Variants in ADGRG1 observed in about 807,000 individuals in gnomAD.
ADGRG1 encodes the protein 7-transmembrane protein with no EGF-like N-terminal domains-1.
Under a neutral mutation model 73.5 loss-of-function variants are expected in ADGRG1, and 53 were observed. That is an observed-to-expected ratio of 0.72 (90% CI 0.58 to 0.91). The LOEUF (loss-of-function observed/expected upper bound fraction) is 0.91, where lower values mean the gene tolerates loss of function less well. Ranked by LOEUF, ADGRG1 falls within the 40% of genes least tolerant of loss-of-function variation. The pLI is 0.00. For synonymous variants in ADGRG1, 394 were observed against 374.4 expected (o/e 1.05, Z -0.60); for missense variants, 795 against 871.8 (o/e 0.91, Z 1.11).
intron 10 of ADGRG1, among the ~76,000 whole-genome samples, chr16:57,658,307 T>G (rs774999286): frequency 6.6e-6 from 1 of 152,150 alleles, no homozygotes; most frequent in Non-Finnish European, 1.5e-5. Flanking sequence ...AACAGCCCTA[T>G]GAAGGAACAC....
intron 4 of ADGRG1, 160 bp downstream of exon 4, chr16:57,653,495 C>T: frequency 1.0e-6 from 1 of 985,070 alleles, no homozygotes; most frequent in Non-Finnish European, 1.2e-6. Flanking sequence ...AACACATGCC[C>T]CCCAGGCTGA....
At chr16:57,641,270 C>G in intron 1 of ADGRG1, 1 of 984,606 alleles carries the variant, frequency 1.0e-6, no homozygotes, top group Non-Finnish European at 1.2e-6. Context: ...TCCTGCCACC[C>G]CTGCTCTAGG....
chr16:57,645,572 G>C (rs2042411628), intron 1 of ADGRG1, among the ~76,000 whole-genome samples: 1 of 152,232 alleles, frequency 6.6e-6, no homozygotes, highest in South Asian at 2.1e-4. Context: ...TGCGGGGCCA[G>C]TCCCTCCCCT....
intron 3 of ADGRG1, 121 bp from the exon 4 acceptor site, chr16:57,653,082 C>T (rs1281887807): frequency 2.5e-6 from 4 of 1,577,872 alleles, no homozygotes; most frequent in Non-Finnish European, 2.6e-6. Context: ...GCCTCAGTTT[C>T]CCCTTTGTAA....
chr16:57,658,569 C>T (rs1403149558), intron 10 of ADGRG1, among the ~76,000 whole-genome samples: 1 of 152,130 alleles, frequency 6.6e-6, no homozygotes, highest in Non-Finnish European at 1.5e-5. Context: ...CAGCTGTGTA[C>T]CTGGGGAGCT....
At chr16:57,657,122 G>T (rs574506993) in intron 9 of ADGRG1, among the ~76,000 whole-genome samples, 185 of 152,382 alleles carry the variant, frequency 1.2e-3, no homozygotes, top group African/African-American at 4.3e-3. Context: ...TGCCAGGACA[G>T]AATAGGGGTT....
chr16:57,650,196 G>A (rs2043696805), intron 1 of ADGRG1, 57 bp from the exon 2 acceptor site: 6 of 1,572,112 alleles, frequency 3.8e-6, no homozygotes, highest in Non-Finnish European at 4.4e-6. Flanking sequence ...CTTCTGCAGG[G>A]CCAGCCCAAC....
chr16:57,632,969 TAGAG>T (rs2038391357), intron 1 of ADGRG1: 1 of 984,784 alleles, frequency 1.0e-6, no homozygotes, highest in African/African-American at 1.7e-5. Flanking sequence ...AACAGTGAGA[TAGAG>T]AGCCGCCTCT....
intron 1 of ADGRG1, 93 bp downstream of exon 1, chr16:57,628,895 T>TGTGTGTGAGTGTGTGA (rs2036583244): frequency 4.8e-6 from 4 of 839,858 alleles, no homozygotes; most frequent in South Asian, 5.6e-5. Context: ...AGAGTGTGAG[T>TGTGTGTGAGTGTGTGA]GTGTGAGTGT....
chr16:57,644,601 C>CAA (rs1298763339), intron 1 of ADGRG1, among the ~76,000 whole-genome samples: 2 of 148,672 alleles, frequency 1.3e-5, no homozygotes, highest in Non-Finnish European at 1.5e-5. Context: ...CACACTCATG[C>CAA]AAGGGCACAC....
At chr16:57,630,609 G>A (rs72791680) in intron 1 of ADGRG1, 2 of 796,892 alleles carry the variant, frequency 2.5e-6, no homozygotes, top group Non-Finnish European at 3.0e-6. Flanking sequence ...TGGGCCACTG[G>A]GCAAGGGCCA....
rs1186917208 is a variant in ADGRG1, at chr16:57,654,038, A to G, written c.673A>G (p.Met225Val). The change falls in exon 5 of 14, where the codon ATG becomes GTG. Residue 225 changes from methionine (M) to valine (V), a missense_variant. Met to Val is a conservative substitution (Grantham distance 21, BLOSUM62 1). Coordinates refer to ENST00000562631, the MANE Select transcript of ADGRG1 (RefSeq NM_201525.4). Reference sequence around the variant, plus strand: ...GACCTCTGTGAGATTCATGGGGGACATGGTGTCCTTCGAGGAGGACCGGAT... The same window carrying G: ...GACCTCTGTGAGATTCATGGGGGACGTGGTGTCCTTCGAGGAGGACCGGAT... ...KLTSVRFMGD[M>V]VSFEEDRINA... 2 of 1,614,056 alleles carry G rather than the reference A, an allele frequency of 1.2e-6. No individual in the cohort carries two copies. Among genetic ancestry groups the G allele is most frequent in the South Asian group, 1.1e-5 (1 of 91,082 alleles).
chr16:57,628,126 C>A, upstream of ADGRG1: 2 of 904,976 alleles, frequency 2.2e-6, no homozygotes, highest in Non-Finnish European at 2.5e-6. Flanking sequence ...TCCTGCCCGG[C>A]TGCCTGTCAC....
chr16:57,654,415 C>CA (rs376232633), intron 5 of ADGRG1, among the ~76,000 whole-genome samples: 3 of 136,928 alleles, frequency 2.2e-5, no homozygotes, highest in Non-Finnish European at 4.8e-5. Flanking sequence ...ACGCACCCCC[C>CA]CCCCCCGTTT....
chr16:57,656,716 G>T, intron 9 of ADGRG1, 99 bp downstream of exon 9: 1 of 804,724 alleles, frequency 1.2e-6, no homozygotes. Context: ...CCTCATAACA[G>T]CTCTCCAAGG....
chr16:57,639,696 C>T (rs558774478), intron 1 of ADGRG1: 1 of 978,510 alleles, frequency 1.0e-6, no homozygotes, highest in Non-Finnish European at 1.2e-6. Flanking sequence ...CTCCTCTCCC[C>T]TCCTCCCCGT....
chr16:57,651,379 C>G lies in ADGRG1; in HGVS notation c.244C>G (p.Pro82Ala). 1 of 1,614,232 alleles carries G rather than the reference C, an allele frequency of 6.2e-7. No individual in the cohort carries two copies. The highest frequency in any genetic ancestry group is 1.3e-5 in the African/African-American group (1 of 75,056). Residue 82 changes from proline to alanine, a missense_variant, in exon 3 of 14, where the codon CCT becomes GCT. Physicochemically the swap from Pro to Ala is conservative, Grantham distance 27. Coordinates refer to ENST00000562631, the MANE Select transcript of ADGRG1 (RefSeq NM_201525.4). The part of the protein sequence containing the change: ...PAAHPASRSF[P>A]DPRGLYHFCL... ...AGCCCACCCTGCTTCCCGATCCTTC[C>G]CTGACCCCAGGGGCCTCTACCACTT... is the stretch of plus-strand genomic sequence containing the variant.
intron 11 of ADGRG1, 45 bp from the exon 12 acceptor site, chr16:57,660,723 G>C (rs767658128): frequency 1.3e-6 from 2 of 1,485,826 alleles, no homozygotes; most frequent in Non-Finnish European, 1.9e-6. Flanking sequence ...GAATGGGCAG[G>C]CCTCAGAGAG....
In ADGRG1 at chr16:57,640,536, CTG is replaced by C. The variant is rs535870157; in HGVS notation, c.-35-9716_-35-9715del. Among the ~76,000 whole-genome samples, 267 of 152,356 alleles carry C rather than the reference CTG, an allele frequency of 1.8e-3. 1 individual carries two copies. Among genetic ancestry groups the C allele is most frequent in the African/African-American group, 5.9e-3 (246 of 41,592 alleles). On this transcript the variant is annotated intron_variant, in intron 1 of 13. Coordinates refer to ENST00000562631, the MANE Select transcript of ADGRG1 (RefSeq NM_201525.4). ...GAGCTTAATGAACATAGTTGTGTCA[CTG>C]GAGGTGGTGAGCACCCCGCCTGCGG...
Sources: gnomAD v4.1 joint callset for allele counts (sites outside exome capture counted in the v4.1 genomes callset) on GRCh38, gnomAD v4.1.1 for gene constraint, MANE v1.5 for transcripts, NCBI Gene and HGNC (gene_info 2026-07-23, HGNC 2026-07-21) for gene names.